Variants in PRKCI observed in about 807,000 individuals in gnomAD.
The protein encoded by PRKCI is protein kinase C iota.
Under a neutral mutation model 84.0 loss-of-function variants are expected in PRKCI, and 43 were observed. The ratio of observed to expected loss-of-function variants is 0.51; its 90% CI spans 0.40 to 0.66. The LOEUF (loss-of-function observed/expected upper bound fraction) is 0.66, where lower values mean the gene tolerates loss of function less well. Among genes scored for constraint, PRKCI ranks in the 30% least tolerant of loss-of-function variants. The pLI is 0.00. For synonymous variants in PRKCI, 216 were observed against 234.4 expected (o/e 0.92, Z 0.72); for missense variants, 459 against 745.6 (o/e 0.62, Z 4.48).
intron 2 of PRKCI, among the ~76,000 whole-genome samples, chr3:170,235,949 AT>A (rs957141963): frequency 2.4e-4 from 35 of 147,362 alleles, no homozygotes; most frequent in Middle Eastern, 3.5e-3. Context: ...TTTGAATTAA[AT>A]TTTTTTTTTT....
chr3:170,279,386 C>T (rs1004644556), intron 8 of PRKCI, among the ~76,000 whole-genome samples: 1 of 152,050 alleles, frequency 6.6e-6, no homozygotes, highest in Non-Finnish European at 1.5e-5. Context: ...TTTCTAATAC[C>T]CTTCTTTCAG....
intron 1 of PRKCI, among the ~76,000 whole-genome samples, chr3:170,232,002 A>C (rs1448139178): frequency 1.3e-5 from 2 of 151,998 alleles, no homozygotes; most frequent in African/African-American, 2.4e-5. Context: ...CTCAAAAAAA[A>C]CTCAACTGAA....
At chr3:170,290,043 A>C (rs1316301352) in intron 12 of PRKCI, among the ~76,000 whole-genome samples, 2 of 151,924 alleles carry the variant, frequency 1.3e-5, no homozygotes, top group East Asian at 3.9e-4. Context: ...ACTGAACTCC[A>C]GCCTGGATGA....
chr3:170,267,674 CCAA>C (rs1733896848), intron 4 of PRKCI, among the ~76,000 whole-genome samples: 1 of 100,844 alleles, frequency 9.9e-6, no homozygotes. Flanking sequence ...CTCCATCTCA[CCAA>C]AAAAAAAAAA....
chr3:170,297,577 T>C (rs962871609), intron 16 of PRKCI, among the ~76,000 whole-genome samples, 184 bp downstream of exon 16: 10 of 152,028 alleles, frequency 6.6e-5, no homozygotes, highest in Admixed American at 6.5e-4. Context: ...TCTGCCTCCC[T>C]AGTAGCTGGA....
At chr3:170,228,614 TATACAC>T (rs1269253190) in intron 1 of PRKCI, among the ~76,000 whole-genome samples, 9 of 127,158 alleles carry the variant, frequency 7.1e-5, no homozygotes, top group African/African-American at 1.2e-4. Context: ...TATATATATA[TATACAC>T]ACACACACAC....
rs892905150 is a variant in PRKCI, at chr3:170,283,104, C to CA, written c.1067+1152dup. ...TGGGTGAAAGAGCGAGACTCCGTCTCAAAAAAAAAAAAAAAAGTATTGAAT... is the reference window on the plus strand; with the variant it reads ...TGGGTGAAAGAGCGAGACTCCGTCTCAAAAAAAAAAAAAAAAAGTATTGAAT... On this transcript the variant is annotated intron_variant, in intron 11 of 17. Coordinates refer to ENST00000295797, the MANE Select transcript of PRKCI (RefSeq NM_002740.6). Among the ~76,000 whole-genome samples, 868 of 107,332 alleles carry CA rather than the reference C, an allele frequency of 8.1e-3. 7 individuals are homozygous for CA. Among genetic ancestry groups the CA allele is most frequent in the Admixed American group, 0.041 (414 of 10,206 alleles). The allele number at this position is 107,332 out of a possible 152,430, so 70.4% of individuals were successfully genotyped here.
rs1002535861 is a variant in PRKCI at position 170,304,016 on chromosome 3, G to GT, written c.*891dup. ...AACCAAATTGGGAAATTCTTCTTGAGTTAAAAAAGACACTTTTTATTATGA... is the reference window on the plus strand; with the variant it reads ...AACCAAATTGGGAAATTCTTCTTGAGTTTAAAAAAGACACTTTTTATTATGA... On this transcript the variant is annotated 3_prime_UTR_variant, in exon 18 of 18. Transcript: ENST00000295797. The GT allele has an allele frequency of 2.6e-5, 4 of 156,038 alleles. No homozygotes were observed. The allele number at this position is 156,038 out of a possible 1,614,324, so 9.7% of individuals were successfully genotyped here.
At chr3:170,230,480 G>A (rs901353042) in intron 1 of PRKCI, among the ~76,000 whole-genome samples, 8 of 152,114 alleles carry the variant, frequency 5.3e-5, no homozygotes, top group Non-Finnish European at 8.8e-5. Context: ...ACAGGCATGC[G>A]CCACCATGTC....
chr3:170,284,871 A>G (rs1482168153), intron 12 of PRKCI, among the ~76,000 whole-genome samples: 2 of 152,204 alleles, frequency 1.3e-5, no homozygotes, highest in African/African-American at 2.4e-5. Context: ...CAATTTGGAA[A>G]TAAAAATTGT....
chr3:170,225,789 G>A (rs990171600), intron 1 of PRKCI, among the ~76,000 whole-genome samples: 5 of 151,750 alleles, frequency 3.3e-5, no homozygotes, highest in African/African-American at 4.8e-5. Context: ...TGAAAAAATT[G>A]CCCTCTCTTT....
intron 2 of PRKCI, among the ~76,000 whole-genome samples, chr3:170,249,468 A>C (rs928030867): frequency 6.6e-6 from 1 of 151,994 alleles, no homozygotes; most frequent in African/African-American, 2.4e-5. Context: ...AACAGTCTGG[A>C]CTCAGTTTTC....
At chr3:170,275,398 T>G in intron 8 of PRKCI, 111 bp downstream of exon 8, 3 of 970,662 alleles carry the variant, frequency 3.1e-6, no homozygotes, top group Non-Finnish European at 4.2e-6. Context: ...AATGGTGAAA[T>G]GCAAAAATGA....
At chr3:170,231,757 G>A (rs778121465) in intron 1 of PRKCI, among the ~76,000 whole-genome samples, 7 of 152,144 alleles carry the variant, frequency 4.6e-5, no homozygotes, top group East Asian at 3.8e-4. Context: ...GAGCCACTGC[G>A]CCCAGCCTTA....
intron 5 of PRKCI, 85 bp downstream of exon 5, chr3:170,268,085 G>A (rs959787999): frequency 2.5e-5 from 28 of 1,120,572 alleles, no homozygotes; most frequent in Non-Finnish European, 3.4e-5. Flanking sequence ...TTGTTATTAA[G>A]TCTTGTTATA....
At chr3:170,248,821 A>T (rs78507004) in intron 2 of PRKCI, among the ~76,000 whole-genome samples, 2,357 of 151,696 alleles carry the variant, frequency 0.016, 40 homozygotes, top group East Asian at 0.085. Context: ...CAAAAGTGAG[A>T]TGGTCAGAAT....
chr3:170,272,788 T>A (rs1215138093), intron 6 of PRKCI, among the ~76,000 whole-genome samples: 1 of 152,192 alleles, frequency 6.6e-6, no homozygotes, highest in Non-Finnish European at 1.5e-5. Flanking sequence ...ATTATTTGGG[T>A]AAGTTGGATT....
In PRKCI at chr3:170,284,445, T is replaced by G; in HGVS notation, c.1068-16T>G. On this transcript the variant is annotated splice_polypyrimidine_tract_variant and intron_variant, in intron 11 of 17. Transcript: ENST00000295797. ...ATATGGTTGAATCAAATGACTTATTTTTTATTTAATTTTAGATTTTACTCT... is the reference window on the plus strand; with the variant it reads ...ATATGGTTGAATCAAATGACTTATTGTTTATTTAATTTTAGATTTTACTCT... 3 of 1,530,006 alleles carry G rather than the reference T, an allele frequency of 2.0e-6. No homozygotes were observed. Among genetic ancestry groups the G allele is most frequent in the Non-Finnish European group, 1.8e-6 (2 of 1,120,830 alleles). 94.8% of individuals were successfully genotyped at this position (1,530,006 alleles called of 1,614,324 possible).
intron 10 of PRKCI, chr3:170,281,628 A>G (rs1451757946): frequency 6.8e-6 from 3 of 442,250 alleles, no homozygotes; most frequent in African/African-American, 4.0e-5. Flanking sequence ...TAAAATTAGG[A>G]TGGTAATGAG....
Sources: gnomAD v4.1 joint callset for allele counts (sites outside exome capture counted in the v4.1 genomes callset) on GRCh38, gnomAD v4.1.1 for gene constraint, MANE v1.5 for transcripts, NCBI Gene and HGNC (gene_info 2026-07-23, HGNC 2026-07-21) for gene names.